ACER3: variants seen among roughly 807,000 people sequenced by gnomAD.
ACER3 encodes alkaline ceramidase 3.
In ACER3, 16 loss-of-function variants were observed where a neutral mutation model predicts 48.9. The observed-to-expected ratio is 0.33, with a 90% CI of 0.22 to 0.50. The LOEUF is 0.50. ACER3 is among the 20% of genes least tolerant of loss of function. The pLI, the probability that ACER3 is intolerant of heterozygous loss-of-function variation, is 0.98. For missense variants in ACER3, 227 were observed against 326.0 expected (o/e 0.70, Z 2.34); for synonymous variants, 109 against 107.8 (o/e 1.01, Z -0.07).
rs1949475889 is a variant in ACER3 at position 77,021,706 on chromosome 11, C to T, written c.*1379C>T. The T allele has an allele frequency of 6.6e-6, 1 of 152,012 alleles. No homozygotes were observed. Among genetic ancestry groups the T allele is most frequent in the African/African-American group, 2.4e-5 (1 of 41,402 alleles). 9.4% of individuals were successfully genotyped at this position (152,012 alleles called of 1,614,324 possible). A position where few individuals can be genotyped will look rare whatever the true frequency, so the allele number is the denominator to read the frequency against. The stretch of plus-strand genomic sequence containing the variant: ...GTTTCAAAAGGAAAATCATTTTTTT[C>T]TTATGCAAAGATGGTAAAACACTGT... On this transcript the variant is annotated 3_prime_UTR_variant, in exon 11 of 11. Transcript: ENST00000532485.
chr11:76,896,180 A>T (rs1263477858), intron 1 of ACER3, among the ~76,000 whole-genome samples: 1 of 152,184 alleles, frequency 6.6e-6, no homozygotes, highest in Non-Finnish European at 1.5e-5. Context: ...TGCTGTTTGG[A>T]TATGAAAGGG....
At chr11:77,018,205 G>T (rs1370556518) in intron 9 of ACER3, among the ~76,000 whole-genome samples, 1 of 152,088 alleles carries the variant, frequency 6.6e-6, no homozygotes, top group Non-Finnish European at 1.5e-5. Flanking sequence ...CTCCCAAAGT[G>T]CTGGGATTAC....
At chr11:76,862,081 G>A (rs1346431002) in intron 1 of ACER3, among the ~76,000 whole-genome samples, 2 of 152,202 alleles carry the variant, frequency 1.3e-5, no homozygotes, top group Non-Finnish European at 2.9e-5. Context: ...TTCTGGCAAA[G>A]TGCAAAGACT....
intron 1 of ACER3, among the ~76,000 whole-genome samples, chr11:76,890,918 G>A (rs1149582): frequency 1.3e-5 from 2 of 151,892 alleles, no homozygotes; most frequent in East Asian, 1.9e-4. Context: ...TCAGGAGTTC[G>A]AGACCCGTGG....
At chr11:76,883,763 T>A (rs749768979) in intron 1 of ACER3, among the ~76,000 whole-genome samples, 6 of 152,148 alleles carry the variant, frequency 3.9e-5, no homozygotes, top group Non-Finnish European at 8.8e-5. Flanking sequence ...CTTTTTAACT[T>A]GTTTAGCAAT....
At chr11:76,944,738 A>T (rs745457811) in intron 2 of ACER3, among the ~76,000 whole-genome samples, 13 of 152,070 alleles carry the variant, frequency 8.5e-5, no homozygotes, top group Non-Finnish European at 1.8e-4. Context: ...CTGAATCTGG[A>T]TGTCTAACTC....
At chr11:76,897,773 A>G (rs1298567020) in intron 1 of ACER3, among the ~76,000 whole-genome samples, 2 of 152,220 alleles carry the variant, frequency 1.3e-5, no homozygotes, top group Non-Finnish European at 2.9e-5. Context: ...AATACCCAGG[A>G]ATGAATAATC....
intron 7 of ACER3, among the ~76,000 whole-genome samples, 197 bp from the exon 8 acceptor site, chr11:77,014,819 G>A (rs1248922100): frequency 6.6e-6 from 1 of 152,138 alleles, no homozygotes; most frequent in Non-Finnish European, 1.5e-5. Context: ...GACTGAGATG[G>A]GAGGATACCC....
At chr11:76,943,256 G>A (rs906012080) in intron 2 of ACER3, among the ~76,000 whole-genome samples, 1 of 151,858 alleles carries the variant, frequency 6.6e-6, no homozygotes, top group African/African-American at 2.4e-5. Flanking sequence ...GACATGAATT[G>A]TTAATTTATG....
intron 7 of ACER3, chr11:77,011,214 G>T: frequency 2.7e-6 from 1 of 370,298 alleles, no homozygotes; most frequent in Non-Finnish European, 3.7e-6. Flanking sequence ...TCTTGCACCT[G>T]ATACTATATG....
chr11:76,932,437 C>A (rs188832850), intron 2 of ACER3, among the ~76,000 whole-genome samples: 2 of 152,140 alleles, frequency 1.3e-5, no homozygotes, highest in Admixed American at 1.3e-4. Flanking sequence ...TGCTCATATG[C>A]ATTTTAAGAA....
At position 77,011,712 on chromosome 11, in the gene ACER3, T is replaced by TA. The variant is rs561893632; in HGVS notation, c.498-3293dup. 4.8e-3 allele frequency among the ~76,000 whole-genome samples: 701 copies of TA among 146,914 alleles called. 1 individual carries two copies. The highest frequency in any genetic ancestry group is 7.4e-3 in the Non-Finnish European group (489 of 66,350). The stretch of plus-strand genomic sequence containing the variant: ...TTATATGCCAATACTTACAGTTAAG[T>TA]AAAAAAAAAAATTGAAAAATTTATT... On this transcript the variant is annotated intron_variant, in intron 7 of 10. Coordinates refer to ENST00000532485, the MANE Select transcript of ACER3 (RefSeq NM_018367.7).
rs1949476134 is a variant in ACER3 at position 77,021,721 on chromosome 11, T to G, written c.*1394T>G. On this transcript the variant is annotated 3_prime_UTR_variant, in exon 11 of 11. Transcript: ENST00000532485. ...TCATTTTTTTCTTATGCAAAGATGG[T>G]AAAACACTGTTGTCATTTTTTCCAG... 6.6e-6 allele frequency: 1 copy of G among 152,178 alleles called. No homozygotes were observed. The highest frequency in any genetic ancestry group is 6.5e-5 in the Admixed American group (1 of 15,280). The allele number at this position is 152,178 out of a possible 1,614,324, so 9.4% of individuals were successfully genotyped here.
chr11:76,936,841 C>G (rs2134895765), intron 2 of ACER3, among the ~76,000 whole-genome samples: 1 of 152,046 alleles, frequency 6.6e-6, no homozygotes, highest in Admixed American at 6.5e-5. Context: ...CCTCAGCCTC[C>G]CGAGTAGCTG....
rs183705075 is a variant in ACER3 at position 76,964,815 on chromosome 11, G to A, written c.267+5784G>A. Among the ~76,000 whole-genome samples, 284 of 151,274 alleles carry A rather than the reference G, an allele frequency of 1.9e-3. 7 individuals carry two copies. The highest frequency in any genetic ancestry group is 0.01 in the Middle Eastern group (3 of 294). On this transcript the variant is annotated intron_variant, in intron 3 of 10. Transcript: ENST00000532485. ...ATCCACACCAAAAACCCATCTGTACGTCACCATCATCAAAGACCAAAGGTA... is the reference window on the plus strand; with the variant it reads ...ATCCACACCAAAAACCCATCTGTACATCACCATCATCAAAGACCAAAGGTA...
In ACER3 at chr11:76,950,412, A is replaced by T. The variant is rs988618192; in HGVS notation, c.215-8567A>T. ...ATATATATATATATATATATATATAATTTACACATGTAAGTGTGTGTATGT... is the reference window on the plus strand; with the variant it reads ...ATATATATATATATATATATATATATTTTACACATGTAAGTGTGTGTATGT... On this transcript the variant is annotated intron_variant, in intron 2 of 10. Transcript: ENST00000532485. Among the ~76,000 whole-genome samples, 20 of 25,012 alleles carry T rather than the reference A, an allele frequency of 8.0e-4. 2 individuals are homozygous for T. In the South Asian group the frequency reaches 9.0e-3, roughly 11 times the overall value. 16.4% of individuals were successfully genotyped at this position (25,012 alleles called of 152,430 possible). A position where few individuals can be genotyped will look rare whatever the true frequency, so the allele number is the denominator to read the frequency against.
intron 7 of ACER3, among the ~76,000 whole-genome samples, chr11:77,001,700 C>T (rs545856789): frequency 7.2e-5 from 11 of 152,322 alleles, no homozygotes; most frequent in African/African-American, 2.6e-4. Context: ...GACAGCAGAT[C>T]TCCTTGCCTT....
intron 1 of ACER3, among the ~76,000 whole-genome samples, chr11:76,889,557 G>C (rs1434575710): frequency 6.6e-6 from 1 of 152,186 alleles, no homozygotes; most frequent in African/African-American, 2.4e-5. Flanking sequence ...GAAATATAGA[G>C]TTGAGAAGTA....
intron 6 of ACER3, chr11:76,994,177 G>C: frequency 4.4e-6 from 2 of 452,476 alleles, no homozygotes; most frequent in South Asian, 3.1e-5. Context: ...TGTCACCCCG[G>C]CTGAAGTGCA....
Sources: allele counts gnomAD v4.1 joint callset (sites outside exome capture counted in the v4.1 genomes callset), GRCh38; gene constraint gnomAD v4.1.1; transcripts MANE v1.5; gene names NCBI Gene and HGNC (gene_info 2026-07-23, HGNC 2026-07-21).